HTR2A: variants seen among roughly 807,000 people sequenced by gnomAD.
HTR2A encodes 5-HT2 receptor.
A neutral mutation model predicts 31.0 loss-of-function variants in HTR2A; 14 were observed. The observed-to-expected ratio is 0.45, with a 90% CI of 0.30 to 0.71. HTR2A has a LOEUF of 0.71. Among genes scored for constraint, HTR2A ranks in the 30% least tolerant of loss-of-function variants. HTR2A has a pLI of 0.09. For missense variants in HTR2A, 442 were observed against 573.3 expected (o/e 0.77, Z 2.34); for synonymous variants, 209 against 225.2 (o/e 0.93, Z 0.64).
At chr13:46,844,593 C>T (rs183573424) in intron 3 of HTR2A, among the ~76,000 whole-genome samples, 44 of 152,140 alleles carry the variant, frequency 2.9e-4, no homozygotes, top group Non-Finnish European at 4.4e-4. Flanking sequence ...AGGAGACTTG[C>T]GTTTATTCCT....
chr13:46,854,472 C>T (rs1950715471), intron 3 of HTR2A, among the ~76,000 whole-genome samples: 1 of 152,156 alleles, frequency 6.6e-6, no homozygotes, highest in African/African-American at 2.4e-5. Flanking sequence ...ACAAGAGGGG[C>T]ACATAATAGA....
chr13:46,890,931 T>C (rs1300382667), intron 3 of HTR2A, among the ~76,000 whole-genome samples: 1 of 152,180 alleles, frequency 6.6e-6, no homozygotes, highest in Non-Finnish European at 1.5e-5. Flanking sequence ...TTATGTGTAA[T>C]TGGGATTGAG....
chr13:46,851,291 G>T (rs2138199659), intron 3 of HTR2A, among the ~76,000 whole-genome samples: 1 of 152,148 alleles, frequency 6.6e-6, no homozygotes, highest in East Asian at 1.9e-4. Flanking sequence ...AGAAACAAAA[G>T]TCACAGTAAA....
intron 3 of HTR2A, among the ~76,000 whole-genome samples, chr13:46,886,764 C>T (rs1951009550): frequency 6.6e-6 from 1 of 152,134 alleles, no homozygotes; most frequent in Admixed American, 6.5e-5. Flanking sequence ...AGCTACCTTT[C>T]TACTCAGGCA....
intron 3 of HTR2A, among the ~76,000 whole-genome samples, chr13:46,867,731 A>G (rs528897509): frequency 1.3e-5 from 2 of 152,270 alleles, no homozygotes; most frequent in South Asian, 4.1e-4. Context: ...CCCTCTTTAC[A>G]TCACCCTGTG....
chr13:46,835,701 A>G (rs1876430987), intron 3 of HTR2A, 62 bp from the exon 4 acceptor site: 1 of 1,217,024 alleles, frequency 8.2e-7, no homozygotes, highest in South Asian at 1.4e-5. Context: ...AGGCAAGAGC[A>G]TCATCACATA....
intron 3 of HTR2A, among the ~76,000 whole-genome samples, chr13:46,839,788 C>T (rs977554280): frequency 6.6e-6 from 1 of 152,112 alleles, no homozygotes; most frequent in Admixed American, 6.6e-5. Flanking sequence ...TGGTTGGTGT[C>T]TTTCTTTCAG....
At chr13:46,894,206 G>A (rs1227042355) in intron 2 of HTR2A, among the ~76,000 whole-genome samples, 1 of 152,184 alleles carries the variant, frequency 6.6e-6, no homozygotes, top group Middle Eastern at 3.2e-3. Flanking sequence ...GCGGGGCTCC[G>A]GAGGGAACGG....
At chr13:46,847,744 T>C (rs1393515275) in intron 3 of HTR2A, among the ~76,000 whole-genome samples, 1 of 152,126 alleles carries the variant, frequency 6.6e-6, no homozygotes, top group East Asian at 1.9e-4. Context: ...CCAAACAACT[T>C]TTTGTTTTGG....
intron 3 of HTR2A, among the ~76,000 whole-genome samples, chr13:46,854,950 A>G (rs1291457100): frequency 1.3e-5 from 2 of 152,182 alleles, no homozygotes; most frequent in Non-Finnish European, 2.9e-5. Flanking sequence ...TGAACTTATA[A>G]AAAGAGAAAA....
At chr13:46,892,768 A>AGC (rs1417514261) in intron 2 of HTR2A, among the ~76,000 whole-genome samples, 178 bp from the exon 3 acceptor site, 2 of 152,242 alleles carry the variant, frequency 1.3e-5, no homozygotes, top group African/African-American at 4.8e-5. Context: ...ATGATAAGCT[A>AGC]GCACTGGCTG....
intron 1 of HTR2A, among the ~76,000 whole-genome samples, chr13:46,896,446 C>T (rs1467822643): frequency 2.6e-5 from 4 of 152,216 alleles, no homozygotes. Context: ...CTTTGGGTTA[C>T]AGTTCTCAGC....
rs759251466 is a variant in HTR2A at position 46,835,341 on chromosome 13, C to T, written c.912G>A (p.Gly304=). 4 of 1,614,088 alleles carry T rather than the reference C, an allele frequency of 2.5e-6. No homozygotes were observed. The East Asian group carries it at 8.9e-5, about 36-fold the overall frequency. The change falls in exon 4 of 4, where the codon GGG becomes GGA. Residue 304 remains glycine, a synonymous_variant. Coordinates refer to ENST00000542664, the MANE Select transcript of HTR2A (RefSeq NM_000621.5). Reference sequence around the variant, plus strand: ...GCATAGTCCTCCTGCCTGTGTAGGACCCTGGCTCCCTATGGATCGACCGCT... The same window carrying T: ...GCATAGTCCTCCTGCCTGTGTAGGATCCTGGCTCCCTATGGATCGACCGCT... ...LFQRSIHREP[G]SYTGRRTMQS... is the part of the protein sequence containing the mutation.
chr13:46,887,789 TA>T (rs1251418843), intron 3 of HTR2A, among the ~76,000 whole-genome samples: 1 of 151,762 alleles, frequency 6.6e-6, no homozygotes, highest in Non-Finnish European at 1.5e-5. Context: ...TCTCAAGAAA[TA>T]AAAGGAGAAA....
At chr13:46,890,106 G>A (rs1951040670) in intron 3 of HTR2A, among the ~76,000 whole-genome samples, 1 of 152,208 alleles carries the variant, frequency 6.6e-6, no homozygotes, top group African/African-American at 2.4e-5. Flanking sequence ...CACTTTGGGA[G>A]GCCAAGGTAG....
intron 3 of HTR2A, among the ~76,000 whole-genome samples, chr13:46,870,714 G>A (rs983309993): frequency 6.6e-6 from 1 of 152,086 alleles, no homozygotes; most frequent in African/African-American, 2.4e-5. Context: ...ATCATATACT[G>A]TTTTACTATG....
intron 3 of HTR2A, among the ~76,000 whole-genome samples, chr13:46,886,036 C>T (rs1381311319): frequency 6.6e-6 from 1 of 152,156 alleles, no homozygotes; most frequent in Non-Finnish European, 1.5e-5. Context: ...TTTGCTTACA[C>T]TGATTTTAGC....
At chr13:46,867,483 A>G (rs574131807) in intron 3 of HTR2A, among the ~76,000 whole-genome samples, 3 of 152,328 alleles carry the variant, frequency 2.0e-5, no homozygotes, top group African/African-American at 7.2e-5. Context: ...AGCTTGGTGC[A>G]TATGTGTATG....
chr13:46,867,060 T>C (rs1950823752), intron 3 of HTR2A, among the ~76,000 whole-genome samples: 1 of 152,112 alleles, frequency 6.6e-6, no homozygotes, highest in African/African-American at 2.4e-5. Context: ...AGATAAAGCT[T>C]GGTAAACTGG....
Sources: gnomAD v4.1 joint callset for allele counts (sites outside exome capture counted in the v4.1 genomes callset) on GRCh38, gnomAD v4.1.1 for gene constraint, MANE v1.5 for transcripts, NCBI Gene and HGNC (gene_info 2026-07-23, HGNC 2026-07-21) for gene names.